The following PHIP variants were observed in gnomAD, a reference collection of about 807,000 sequenced individuals.
PHIP encodes the protein PH-interacting protein.
Under a neutral mutation model 236.8 loss-of-function variants are expected in PHIP, and 54 were observed. The ratio of observed to expected loss-of-function variants is 0.23; its 90% CI spans 0.18 to 0.29. PHIP has a LOEUF of 0.29. PHIP is among the 10% of genes least tolerant of loss of function. The pLI is 1.00. For synonymous variants in PHIP, 756 were observed against 718.9 expected (o/e 1.05, Z -0.83); for missense variants, 1,370 against 2,190.8 (o/e 0.63, Z 7.48).
chr6:79,065,445 C>G (rs976791936), intron 4 of PHIP, among the ~76,000 whole-genome samples: 4 of 152,130 alleles, frequency 2.6e-5, no homozygotes, highest in Non-Finnish European at 5.9e-5. Flanking sequence ...ACATGGCCTT[C>G]TTTCAGGTTA....
At chr6:79,008,897 G>A (rs1770434934) in intron 15 of PHIP, among the ~76,000 whole-genome samples, 3 of 151,812 alleles carry the variant, frequency 2.0e-5, no homozygotes, top group African/African-American at 7.3e-5. Flanking sequence ...AGGTCACCCG[G>A]GCTTAACACT....
intron 6 of PHIP, among the ~76,000 whole-genome samples, chr6:79,049,214 C>CA (rs1002518956): frequency 6.6e-6 from 1 of 151,934 alleles, no homozygotes; most frequent in African/African-American, 2.4e-5. Flanking sequence ...AGGTGTGCAC[C>CA]ACCATGCCTA....
chr6:78,975,254 C>G (rs1767960046), intron 24 of PHIP, among the ~76,000 whole-genome samples: 1 of 152,050 alleles, frequency 6.6e-6, no homozygotes, highest in South Asian at 2.1e-4. Context: ...AGCATATAAA[C>G]AGAGCCAAAG....
chr6:79,062,298 T>C (rs756647078), intron 4 of PHIP, among the ~76,000 whole-genome samples: 20 of 152,158 alleles, frequency 1.3e-4, no homozygotes, highest in Non-Finnish European at 2.5e-4. Flanking sequence ...ACTCAGAACA[T>C]ACTTTAGGAA....
In PHIP at chr6:79,060,489, G is replaced by T; in HGVS notation, c.428C>A (p.Pro143Gln). The T allele has an allele frequency of 6.2e-7, 1 of 1,611,826 alleles. No individual in the cohort carries two copies. Among genetic ancestry groups the T allele is most frequent in the Non-Finnish European group, 8.5e-7 (1 of 1,178,520 alleles). Residue 143 changes from proline to glutamine, a missense_variant, in exon 6 of 40, where the codon CCA (proline) becomes CAA (glutamine). Pro to Gln is a moderately conservative substitution (Grantham distance 76). Coordinates refer to ENST00000275034, the MANE Select transcript of PHIP (RefSeq NM_017934.7). ...PPESPVNYGS[P>Q]PSIADTLFSR... ...CTCAAACAACTCACCAATGCTGGGT[G>T]GGCTACCATAGTTAACTGGTGACTC...
intron 4 of PHIP, among the ~76,000 whole-genome samples, chr6:79,064,374 C>T (rs1243475288): frequency 5.9e-5 from 9 of 152,230 alleles, no homozygotes; most frequent in Admixed American, 3.9e-4. Flanking sequence ...ACCCCTTTCC[C>T]GTTCTCTTCC....
intron 27 of PHIP, among the ~76,000 whole-genome samples, chr6:78,969,209 T>C (rs934340491): frequency 1.3e-5 from 2 of 152,226 alleles, no homozygotes; most frequent in Non-Finnish European, 2.9e-5. Flanking sequence ...CAAACCACCA[T>C]GTCAATGCGT....
chr6:78,955,572 A>T (rs550940092), intron 33 of PHIP, 41 bp downstream of exon 33: 8 of 687,274 alleles, frequency 1.2e-5, no homozygotes, highest in Non-Finnish European at 7.7e-6. Flanking sequence ...TTTTTTATAT[A>T]GAGAATATCA....
intron 9 of PHIP, among the ~76,000 whole-genome samples, chr6:79,019,883 A>T (rs1220715920): frequency 1.3e-5 from 2 of 152,144 alleles, no homozygotes; most frequent in African/African-American, 2.4e-5. Context: ...GAGAAAATGA[A>T]GATTTTTATC....
At chr6:78,993,398 GGAA>G (rs1769397858) in intron 19 of PHIP, among the ~76,000 whole-genome samples, 1 of 152,172 alleles carries the variant, frequency 6.6e-6, no homozygotes, top group Admixed American at 6.5e-5. Context: ...CCATCTAAAT[GGAA>G]GAAGATATCA....
Position 79,078,247 on chromosome 6 carries a change from C to T in PHIP, c.-179G>A, listed in dbSNP as rs902584696. ...GGAGGAGGAAACAACAACTCTCAGG[C>T]AGCGACTACGGCCGTGGCCGCCTCC... On this transcript the variant is annotated 5_prime_UTR_variant, in exon 1 of 40. Transcript: ENST00000275034. 1 of 593,682 alleles carries T rather than the reference C, an allele frequency of 1.7e-6. No individual in the cohort carries two copies. The highest frequency in any genetic ancestry group is 2.9e-6 in the Non-Finnish European group (1 of 339,738). The allele number at this position is 593,682 out of a possible 1,614,324, so 36.8% of individuals were successfully genotyped here.
At chr6:79,021,019 T>C (rs1396689717) in intron 9 of PHIP, among the ~76,000 whole-genome samples, 1 of 152,244 alleles carries the variant, frequency 6.6e-6, no homozygotes, top group Non-Finnish European at 1.5e-5. Flanking sequence ...CACACACACA[T>C]AGATGCTTTG....
At chr6:78,982,658 T>C (rs1345550946) in intron 23 of PHIP, among the ~76,000 whole-genome samples, 1 of 152,250 alleles carries the variant, frequency 6.6e-6, no homozygotes, top group South Asian at 2.1e-4. Context: ...GTTCAATGTT[T>C]AGAATATGGC....
chr6:79,007,031 C>T (rs778181705), intron 15 of PHIP, among the ~76,000 whole-genome samples: 5 of 151,870 alleles, frequency 3.3e-5, no homozygotes, highest in Non-Finnish European at 7.4e-5. Context: ...AAAATAATGA[C>T]TCCCTTATTT....
chr6:79,062,020 A>T (rs1451991585), intron 4 of PHIP, among the ~76,000 whole-genome samples: 2 of 152,192 alleles, frequency 1.3e-5, no homozygotes, highest in Non-Finnish European at 2.9e-5. Flanking sequence ...CACAAAGATA[A>T]CATGGAGCCA....
intron 24 of PHIP, among the ~76,000 whole-genome samples, chr6:78,974,966 C>A (rs1213848764): frequency 6.6e-6 from 1 of 151,576 alleles, no homozygotes; most frequent in Non-Finnish European, 1.5e-5. Flanking sequence ...TGGTACCATT[C>A]CTTCTGAAAC....
Position 79,077,512 on chromosome 6 carries a change from G to C in PHIP, c.130-5C>G, listed in dbSNP as rs751065215. On this transcript the variant is annotated splice_polypyrimidine_tract_variant and splice_region_variant and intron_variant, in intron 3 of 39. Transcript: ENST00000275034. ...GTCGGTGCGCCGGGGCAGCAGCTGCGGGGAGAGGACACCCCGTGAGCCCGG... is the reference window on the plus strand; with the variant it reads ...GTCGGTGCGCCGGGGCAGCAGCTGCCGGGAGAGGACACCCCGTGAGCCCGG... 1.3e-6 allele frequency: 2 copies of C among 1,543,622 alleles called. No individual in the cohort carries two copies. Among genetic ancestry groups the C allele is most frequent in the Non-Finnish European group, 1.7e-6 (2 of 1,143,330 alleles).
intron 35 of PHIP, among the ~76,000 whole-genome samples, chr6:78,951,566 T>G (rs1259199994): frequency 6.6e-6 from 1 of 152,158 alleles, no homozygotes; most frequent in Non-Finnish European, 1.5e-5. Flanking sequence ...GTGACAGTAA[T>G]TAACAAAACA....
intron 20 of PHIP, 82 bp from the exon 21 acceptor site, chr6:78,988,431 A>G (rs1475624863): frequency 2.8e-6 from 3 of 1,090,832 alleles, no homozygotes; most frequent in Non-Finnish European, 2.5e-6. Context: ...TTTTTAATTA[A>G]AAAAATTCAA....
Sources: allele counts gnomAD v4.1 joint callset (sites outside exome capture counted in the v4.1 genomes callset), GRCh38; gene constraint gnomAD v4.1.1; transcripts MANE v1.5; gene names NCBI Gene and HGNC (gene_info 2026-07-23, HGNC 2026-07-21).